The following STIM2 variants were observed in gnomAD, a reference collection of about 807,000 sequenced individuals.
The protein encoded by STIM2 is stromal interaction molecule 2.
A neutral mutation model predicts 85.8 loss-of-function variants in STIM2; 31 were observed. The observed-to-expected ratio is 0.36, with a 90% CI of 0.27 to 0.49. The LOEUF is 0.49. Among genes scored for constraint, STIM2 ranks in the 20% least tolerant of loss-of-function variants. The pLI is 0.98. For synonymous variants in STIM2, 356 were observed against 331.1 expected (o/e 1.08, Z -0.82); for missense variants, 841 against 927.6 (o/e 0.91, Z 1.21).
intron 3 of STIM2, among the ~76,000 whole-genome samples, chr4:26,986,179 C>G (rs1727579777): frequency 6.6e-6 from 1 of 152,176 alleles, no homozygotes; most frequent in South Asian, 2.1e-4. Context: ...CTGATACCTA[C>G]TTCATAGGGT....
intron 1 of STIM2, among the ~76,000 whole-genome samples, chr4:26,888,831 G>A (rs996984508): frequency 6.6e-6 from 1 of 152,124 alleles, no homozygotes; most frequent in Non-Finnish European, 1.5e-5. Flanking sequence ...AAGATCTCTC[G>A]TATTCTGGAC....
Position 27,023,348 on chromosome 4 carries a change from T to C in STIM2, c.*352T>C. The C allele has an allele frequency of 4.7e-6, 1 of 211,840 alleles. No individual in the cohort carries two copies. Among genetic ancestry groups the C allele is most frequent in the Non-Finnish European group, 9.6e-6 (1 of 103,780 alleles). The allele number at this position is 211,840 out of a possible 1,614,324, so 13.1% of individuals were successfully genotyped here. ...GCTTTAATGGACTCGTAAGCCAGCA[T>C]GGGCTTGCAAAAATTTCTTGTTTAC... is the stretch of plus-strand genomic sequence containing the variant. On this transcript the variant is annotated 3_prime_UTR_variant, in exon 12 of 12. Coordinates refer to ENST00000467087, the MANE Select transcript of STIM2 (RefSeq NM_020860.4).
chr4:26,993,936 G>C (rs977736885), intron 3 of STIM2, among the ~76,000 whole-genome samples: 1 of 152,042 alleles, frequency 6.6e-6, no homozygotes, highest in African/African-American at 2.4e-5. Flanking sequence ...AATTATGTTA[G>C]AACCTCGTAA....
At chr4:26,893,253 C>T (rs1281497515) in intron 1 of STIM2, among the ~76,000 whole-genome samples, 1 of 152,122 alleles carries the variant, frequency 6.6e-6, no homozygotes, top group Admixed American at 6.5e-5. Flanking sequence ...TAGAAGTTCC[C>T]CCTCCCCATA....
chr4:27,023,035 G>T lies in STIM2; in HGVS notation c.*39G>T. On this transcript the variant is annotated 3_prime_UTR_variant, in exon 12 of 12. Transcript: ENST00000467087. ...ATGGAATCATGTTCAAGTGGCATCT[G>T]TAAACTATTATCCCCCACCCTCCAC... 6.4e-7 allele frequency: 1 copy of T among 1,574,444 alleles called. No individual in the cohort carries two copies. Among genetic ancestry groups the T allele is most frequent in the Non-Finnish European group, 8.6e-7 (1 of 1,161,166 alleles).
chr4:26,893,606 C>G (rs1163406767), intron 1 of STIM2, among the ~76,000 whole-genome samples: 1 of 152,126 alleles, frequency 6.6e-6, no homozygotes, highest in African/African-American at 2.4e-5. Flanking sequence ...ACTTCTGTGA[C>G]TATTTCTTTA....
intron 2 of STIM2, among the ~76,000 whole-genome samples, chr4:26,947,066 C>G (rs947815033): frequency 5.9e-5 from 9 of 152,160 alleles, no homozygotes; most frequent in Admixed American, 3.3e-4. Context: ...AAGGTTAGTA[C>G]AGAGGCTCAG....
At chr4:27,002,443 TAA>T in intron 6 of STIM2, 49 bp downstream of exon 6, 1 of 1,472,294 alleles carries the variant, frequency 6.8e-7, no homozygotes. Context: ...ATACAATTTG[TAA>T]AAAAAGTGAT....
At chr4:26,919,666 C>G (rs2109065672) in intron 2 of STIM2, 32 bp downstream of exon 2, 1 of 1,609,230 alleles carries the variant, frequency 6.2e-7, no homozygotes, top group African/African-American at 1.3e-5. Context: ...TTGCTATTGT[C>G]TTAGAACAGA....
At chr4:26,882,027 T>A (rs1408818746) in intron 1 of STIM2, among the ~76,000 whole-genome samples, 5 of 152,224 alleles carry the variant, frequency 3.3e-5, no homozygotes, top group Non-Finnish European at 7.3e-5. Flanking sequence ...ATAGTGTTTT[T>A]ATTGAAACAG....
At chr4:26,976,305 A>G (rs982845596) in intron 3 of STIM2, among the ~76,000 whole-genome samples, 1 of 151,714 alleles carries the variant, frequency 6.6e-6, no homozygotes, top group Non-Finnish European at 1.5e-5. Context: ...TTGGAAATGC[A>G]GAAATCACCT....
chr4:26,878,769 T>G (rs1722899254), intron 1 of STIM2, among the ~76,000 whole-genome samples: 1 of 152,124 alleles, frequency 6.6e-6, no homozygotes, highest in African/African-American at 2.4e-5. Context: ...CTCAGGAAAC[T>G]TACAATCATG....
In STIM2 at chr4:27,009,019, A is replaced by G. The variant is rs940964906; in HGVS notation, c.1489+17A>G. 6 of 1,603,732 alleles carry G rather than the reference A, an allele frequency of 3.7e-6. No homozygotes were observed. Among genetic ancestry groups the G allele is most frequent in the Admixed American group, 3.4e-5 (2 of 59,460 alleles). ...AATTTCCCGGTAAGTGGCAATTTCA[A>G]CAAAAATTGTTGGTACAGGTTTTAA... On this transcript the variant is annotated intron_variant, in intron 10 of 11. Transcript: ENST00000467087.
rs777668521 is a variant in STIM2, at chr4:27,008,786, A to G, written c.1273A>G (p.Thr425Ala). 9 of 1,614,140 alleles carry G rather than the reference A, an allele frequency of 5.6e-6. No homozygotes were observed. The highest frequency in any genetic ancestry group is 1.3e-5 in the African/African-American group (1 of 75,050). ...CAGGAAAGCTCTCTCTGAGTTGACA[A>G]CTTGTTTACGAGAACGACTTTTTCG... The change falls in exon 10 of 12, where the codon ACT (threonine) becomes GCT (alanine). Residue 425 changes from threonine (T) to alanine (A), a missense_variant. Coordinates refer to ENST00000467087, the MANE Select transcript of STIM2 (RefSeq NM_020860.4).
chr4:26,915,665 A>C (rs1012668313), intron 1 of STIM2, among the ~76,000 whole-genome samples: 7 of 152,184 alleles, frequency 4.6e-5, no homozygotes, highest in Admixed American at 1.3e-4. Flanking sequence ...TTGATAGCTG[A>C]CTTGGGTTAG....
intron 3 of STIM2, among the ~76,000 whole-genome samples, chr4:26,959,937 T>C: frequency 6.6e-6 from 1 of 152,162 alleles, no homozygotes. Flanking sequence ...GTATTCCTAG[T>C]AATGCAGCTG....
chr4:26,977,538 G>C (rs1387125897), intron 3 of STIM2, among the ~76,000 whole-genome samples: 2 of 152,176 alleles, frequency 1.3e-5, no homozygotes, highest in African/African-American at 2.4e-5. Flanking sequence ...ACTGGTGAGA[G>C]GTGATGGTAA....
chr4:26,956,443 C>CTTTT (rs545865394), intron 2 of STIM2, among the ~76,000 whole-genome samples: 2 of 135,418 alleles, frequency 1.5e-5, no homozygotes, highest in Non-Finnish European at 3.2e-5. Flanking sequence ...ATTTCAATGC[C>CTTTT]TTTTTTTTTT....
At chr4:26,894,239 A>G (rs1272470873) in intron 1 of STIM2, among the ~76,000 whole-genome samples, 1 of 151,762 alleles carries the variant, frequency 6.6e-6, no homozygotes, top group Non-Finnish European at 1.5e-5. Context: ...TCTCTTCCGA[A>G]TTTTTGCCTT....
Sources: gnomAD v4.1 joint callset for allele counts (sites outside exome capture counted in the v4.1 genomes callset) on GRCh38, gnomAD v4.1.1 for gene constraint, MANE v1.5 for transcripts, NCBI Gene and HGNC (gene_info 2026-07-23, HGNC 2026-07-21) for gene names.